The following MORC2 variants were observed in gnomAD, a reference collection of about 807,000 sequenced individuals.
The protein encoded by MORC2 is MORC family CW-type zinc finger 2, also known as ATPase MORC2.
In MORC2, 30 loss-of-function variants were observed where a neutral mutation model predicts 136.0. The observed-to-expected ratio is 0.22, with a 90% CI of 0.17 to 0.30. The LOEUF is 0.30. Among genes scored for constraint, MORC2 ranks in the 10% least tolerant of loss-of-function variants. The pLI is 1.00. For synonymous variants in MORC2, 439 were observed against 487.0 expected (o/e 0.90, Z 1.30); for missense variants, 922 against 1,333.1 (o/e 0.69, Z 4.80).
chr22:30,937,063 TATC>T lies in MORC2; in HGVS notation c.1499-29_1499-27del, dbSNP rs774531899. 2 of 1,531,514 alleles carry T rather than the reference TATC, an allele frequency of 1.3e-6. No individual in the cohort carries two copies. The highest frequency in any genetic ancestry group is 1.8e-6 in the Non-Finnish European group (2 of 1,105,856). 94.9% of individuals were successfully genotyped at this position (1,531,514 alleles called of 1,614,324 possible). On this transcript the variant is annotated intron_variant, in intron 15 of 25. Transcript: ENST00000397641. The surrounding 1 kb of genome is among the most constrained non-coding windows in gnomAD (Gnocchi z 4.7). ...CTGCAGAGAGCAAAAAAACCCCACA[TATC>T]AGCCACGCCCACCAACTCTATCTGT...
intron 1 of MORC2, among the ~76,000 whole-genome samples, chr22:30,964,216 G>A (rs947378324): frequency 6.6e-5 from 10 of 152,106 alleles, no homozygotes; most frequent in African/African-American, 2.4e-4. Flanking sequence ...AATTACCCAG[G>A]CATGGTGGCA....
Position 30,925,728 on chromosome 22 carries a change from C to T in MORC2, c.*1075G>A, listed in dbSNP as rs2040473458. On this transcript the variant is annotated 3_prime_UTR_variant, in exon 26 of 26. Coordinates refer to ENST00000397641, the MANE Select transcript of MORC2 (RefSeq NM_001303256.3). ...CCATTAAAGAGAAAATTCAGCAACGCTTGCCTTTGTCTTTGACCCTGAGAA... is the reference window on the plus strand; with the variant it reads ...CCATTAAAGAGAAAATTCAGCAACGTTTGCCTTTGTCTTTGACCCTGAGAA... 6.5e-6 allele frequency: 1 copy of T among 153,708 alleles called. No homozygotes were observed. Among genetic ancestry groups the T allele is most frequent in the African/African-American group, 2.4e-5 (1 of 41,452 alleles). 9.5% of individuals were successfully genotyped at this position (153,708 alleles called of 1,614,324 possible).
At chr22:30,940,564 G>C (rs1467736959) in intron 10 of MORC2, among the ~76,000 whole-genome samples, 194 bp downstream of exon 10, 1 of 152,154 alleles carries the variant, frequency 6.6e-6, no homozygotes, top group Non-Finnish European at 1.5e-5. Context: ...AAGAGAAAGT[G>C]GAGTGTAGAA....
Position 30,942,116 on chromosome 22 carries a change from G to C in MORC2, c.582C>G (p.Asp194Glu). 1.2e-6 allele frequency: 2 copies of C among 1,613,316 alleles called. No individual in the cohort carries two copies. The highest frequency in any genetic ancestry group is 1.7e-6 in the Non-Finnish European group (2 of 1,179,300). Residue 194 changes from aspartate to glutamate, a missense_variant, in exon 7 of 26, where the codon GAC becomes GAG. Asp to Glu is a conservative substitution (Grantham distance 45). Transcript: ENST00000397641. ...ACAGGCTCAAAGCCTACTTACCGCT[G>C]TCCCCAGGAATCTTCATAAACTGGG... ...VMTQFMKIPG[D>E]SGTLVIIFNL...
At chr22:30,953,467 A>G (rs1277147115) in intron 3 of MORC2, among the ~76,000 whole-genome samples, 1 of 152,230 alleles carries the variant, frequency 6.6e-6, no homozygotes, top group Non-Finnish European at 1.5e-5. Flanking sequence ...GGAAGAATAA[A>G]GAAAGAAAGC....
In MORC2 at chr22:30,942,209, C is replaced by A. The variant is rs186458188; in HGVS notation, c.489G>T (p.Glu163Asp). Reference sequence around the variant, plus strand: ...TGAGTTCTGTCTCAATGGCAAATTTCTCTACATTGTCTGTGACAGGTTCCC... The same window carrying A: ...TGAGTTCTGTCTCAATGGCAAATTTATCTACATTGTCTGTGACAGGTTCCC... ...RTREPVTDNV[E>D]KFAIETELIY... The change falls in exon 7 of 26, where the codon GAG becomes GAT. Residue 163 changes from glutamate to aspartate, a missense_variant. Transcript: ENST00000397641. The A allele has an allele frequency of 2.3e-4, 367 of 1,614,186 alleles. No homozygotes were observed. The East Asian group carries it at 5.2e-3, about 23-fold the overall frequency.
At chr22:30,948,690 G>A (rs991719013) in intron 5 of MORC2, among the ~76,000 whole-genome samples, 27 of 152,172 alleles carry the variant, frequency 1.8e-4, no homozygotes, top group Admixed American at 9.8e-4. Flanking sequence ...CTACCCTAGC[G>A]CTCTACACAT....
In MORC2 at chr22:30,933,986, G is replaced by C. The variant is rs572405357; in HGVS notation, c.2325+74C>G. Reference sequence around the variant, plus strand: ...TGGTGGATGGTATAGACTGCTGATGGGGGGTGCAGACTGCTGGTGGGGGCT... The same window carrying C: ...TGGTGGATGGTATAGACTGCTGATGCGGGGTGCAGACTGCTGGTGGGGGCT... On this transcript the variant is annotated intron_variant, in intron 20 of 25. Coordinates refer to ENST00000397641, the MANE Select transcript of MORC2 (RefSeq NM_001303256.3). 1.6e-5 allele frequency: 25 copies of C among 1,515,870 alleles called. 2 individuals are homozygous for C. The South Asian group carries it at 2.7e-4, about 16-fold the overall frequency. The allele number at this position is 1,515,870 out of a possible 1,614,324, so 93.9% of individuals were successfully genotyped here.
chr22:30,937,846 G>A lies in MORC2; in HGVS notation c.1338C>T (p.His446=), dbSNP rs774871083. ...YRHLLRAMGE[H]LAQYWKDIAI... ...CAATATCCTTCCAATACTGCGCCAG[G>A]TGCTCCCCCATTGCTCGGAGCAGGT... is the stretch of plus-strand genomic sequence containing the variant. Residue 446 remains histidine, a synonymous_variant, in exon 14 of 26, where the codon CAC becomes CAT. Transcript: ENST00000397641. The surrounding 1 kb of genome is among the most constrained non-coding windows in gnomAD (Gnocchi z 4.7). The A allele has an allele frequency of 3.7e-6, 6 of 1,614,124 alleles. No individual in the cohort carries two copies. In the East Asian group the frequency reaches 1.3e-4, roughly 36 times the overall value.
rs531091334 is a variant in MORC2 at position 30,950,914 on chromosome 22, T to A, written c.158-469A>T. Among the ~76,000 whole-genome samples the A allele has an allele frequency of 8.8e-4, 134 of 152,294 alleles. 1 individual carries two copies. Among genetic ancestry groups the A allele is most frequent in the Non-Finnish European group, 1.7e-3 (115 of 68,032 alleles). On this transcript the variant is annotated intron_variant, in intron 3 of 25. Transcript: ENST00000397641. ...ATTAAGTCTGGGGTATCCTTCAAAGTGATGAAACCAGACATGGTATGGGCA... is the reference window on the plus strand; with the variant it reads ...ATTAAGTCTGGGGTATCCTTCAAAGAGATGAAACCAGACATGGTATGGGCA...
chr22:30,933,454 C>T lies in MORC2; in HGVS notation c.2380+12G>A. 1.9e-6 allele frequency: 3 copies of T among 1,613,420 alleles called. No homozygotes were observed. The highest frequency in any genetic ancestry group is 2.5e-6 in the Non-Finnish European group (3 of 1,179,680). On this transcript the variant is annotated intron_variant, in intron 21 of 25. Transcript: ENST00000397641. The stretch of plus-strand genomic sequence containing the variant: ...CCCCGCCACAGGCTGCCAAGTCACT[C>T]CCCCAGCTCACCTTTCTGAGCTCTC...
intron 6 of MORC2, among the ~76,000 whole-genome samples, 174 bp downstream of exon 6, chr22:30,946,167 C>A (rs920362432): frequency 6.6e-6 from 1 of 152,214 alleles, no homozygotes; most frequent in Admixed American, 6.5e-5. Context: ...TTAAAGTTAT[C>A]TACCTTAACC....
intron 3 of MORC2, among the ~76,000 whole-genome samples, chr22:30,952,808 T>C (rs1391065413): frequency 6.6e-6 from 1 of 152,384 alleles, no homozygotes; most frequent in East Asian, 1.9e-4. Context: ...ATGCGATCAC[T>C]GTCTTCATGG....
chr22:30,960,168 T>C (rs1013507207), intron 1 of MORC2, among the ~76,000 whole-genome samples: 2 of 152,210 alleles, frequency 1.3e-5, no homozygotes, highest in Non-Finnish European at 2.9e-5. Context: ...GGTTTCACCA[T>C]GTTGGCCAGG....
intron 1 of MORC2, chr22:30,958,901 T>G (rs921058071): frequency 2.1e-6 from 1 of 481,376 alleles, no homozygotes; most frequent in African/African-American, 2.0e-5. Flanking sequence ...TATTCAGAAA[T>G]GATTATTCTT....
At chr22:30,958,578 A>G in intron 2 of MORC2, 63 bp downstream of exon 2, 1 of 1,344,882 alleles carries the variant, frequency 7.4e-7, no homozygotes, top group Non-Finnish European at 1.0e-6. Flanking sequence ...CAGAGAGCAA[A>G]GGTCACAGCT....
Position 30,940,825 on chromosome 22 carries a change from G to A in MORC2, c.837C>T (p.Tyr279=). 2 of 1,614,000 alleles carry A rather than the reference G, an allele frequency of 1.2e-6. No homozygotes were observed. The highest frequency in any genetic ancestry group is 2.2e-5 in the South Asian group (2 of 91,068). ...CCLYKPRMYK[Y]TSSRFKTRAE... ...CACGGGTCTTGAAACGGCTTGACGT[G>A]TACTTGTACATCCTGATCAGTAGAA... The change falls in exon 10 of 26, where the codon TAC becomes TAT. Residue 279 remains tyrosine (Y), a synonymous_variant. Transcript: ENST00000397641.
At position 30,968,671 on chromosome 22, in the gene MORC2, T is replaced by C. The variant is rs1602523769; in HGVS notation, c.-782A>G. Among the ~76,000 whole-genome samples, 1 of 151,938 alleles carries C rather than the reference T, an allele frequency of 6.6e-6. No individual in the cohort carries two copies. On this transcript the variant is annotated 5_prime_UTR_variant, in exon 1 of 26. Coordinates refer to ENST00000397641, the MANE Select transcript of MORC2 (RefSeq NM_001303256.3). ...AGGCCCTTCCCGGGCCTCGGTCCCG[T>C]GGCCGCCTCCCCACGAAGAGGAGCT...
In MORC2 at chr22:30,934,716, C is replaced by G; in HGVS notation, c.2193+65G>C. Reference sequence around the variant, plus strand: ...AGGCTCCCCCAGTACAGCTGTGACACTGCACAATTCCATTCCTACACTACT... The same window carrying G: ...AGGCTCCCCCAGTACAGCTGTGACAGTGCACAATTCCATTCCTACACTACT... On this transcript the variant is annotated intron_variant, in intron 19 of 25. Coordinates refer to ENST00000397641, the MANE Select transcript of MORC2 (RefSeq NM_001303256.3). The surrounding 1 kb of genome is among the most constrained non-coding windows in gnomAD (Gnocchi z 4.4). 6.4e-7 allele frequency: 1 copy of G among 1,572,040 alleles called. No individual in the cohort carries two copies. Among genetic ancestry groups the G allele is most frequent in the East Asian group, 2.2e-5 (1 of 44,500 alleles).
Sources: gnomAD v4.1 joint callset for allele counts (sites outside exome capture counted in the v4.1 genomes callset) on GRCh38, gnomAD v4.1.1 for gene constraint, Gnocchi (gnomAD v3.1) non-coding constraint, MANE v1.5 for transcripts, NCBI Gene and HGNC (gene_info 2026-07-23, HGNC 2026-07-21) for gene names.